The following CIC variants were observed in gnomAD, a reference collection of about 807,000 sequenced individuals.
CIC encodes the protein protein capicua homolog.
A neutral mutation model predicts 115.7 loss-of-function variants in CIC; 18 were observed. The observed-to-expected ratio is 0.16, with a 90% CI of 0.11 to 0.23. The LOEUF (loss-of-function observed/expected upper bound fraction) is 0.23. Ranked by LOEUF, CIC falls within the 10% of genes least tolerant of loss-of-function variation. CIC has a pLI of 1.00. For missense variants in CIC, 2,000 were observed against 2,159.3 expected (o/e 0.93, Z 1.46); for synonymous variants, 1,076 against 923.0 (o/e 1.17, Z -3.01).
At position 42,293,671 on chromosome 19, in the gene CIC, C is replaced by T. The variant is rs2038315689; in HGVS notation, c.6602C>T (p.Pro2201Leu). 6.2e-7 allele frequency: 1 copy of T among 1,612,686 alleles called. No homozygotes were observed. Among genetic ancestry groups the T allele is most frequent in the Admixed American group, 1.7e-5 (1 of 59,904 alleles). The change falls in exon 17 of 21, where the codon CCT (proline) becomes CTT (leucine). Residue 2201 changes from proline to leucine, a missense_variant. Pro to Leu is a moderately conservative substitution (Grantham distance 98). Coordinates refer to ENST00000681038, the MANE Select transcript of CIC (RefSeq NM_001386298.1). ...GLENRGEPPT[P>L]PSPAPAPAVA... Reference sequence around the variant, plus strand: ...GAGAATCGTGGGGAGCCTCCCACTCCTCCCAGCCCGGCCCCAGCTCCAGCT... The same window carrying T: ...GAGAATCGTGGGGAGCCTCCCACTCTTCCCAGCCCGGCCCCAGCTCCAGCT...
chr19:42,274,857 A>G (rs911660031), intron 2 of CIC, among the ~76,000 whole-genome samples: 1 of 152,204 alleles, frequency 6.6e-6, no homozygotes, highest in African/African-American at 2.4e-5. Flanking sequence ...TCAGGTCTCC[A>G]TGGAGCTGAT....
intron 1 of CIC, among the ~76,000 whole-genome samples, chr19:42,269,657 A>G (rs900036142): frequency 2.0e-5 from 3 of 150,914 alleles, no homozygotes; most frequent in African/African-American, 7.3e-5. Context: ...GGAGAGTGTG[A>G]CAAGGAGAGG....
chr19:42,288,063 G>C lies in CIC; in HGVS notation c.3658+88G>C, dbSNP rs866978911. ...CCTTGCTTGCTCCTCCCCTGCCCCA[G>C]CAGCTCCTCTCTGCTCTATCGCTTT... On this transcript the variant is annotated intron_variant, in intron 7 of 20. Transcript: ENST00000681038. 3.5e-6 allele frequency: 5 copies of C among 1,444,484 alleles called. No homozygotes were observed. In the Middle Eastern group the frequency reaches 1.1e-3, roughly 310 times the overall value. The allele number at this position is 1,444,484 out of a possible 1,614,324, so 89.5% of individuals were successfully genotyped here. A position where few individuals can be genotyped will look rare whatever the true frequency, so the allele number is the denominator to read the frequency against.
At chr19:42,277,622 C>T (rs2037035342) in intron 2 of CIC, among the ~76,000 whole-genome samples, 1 of 152,238 alleles carries the variant, frequency 6.6e-6, no homozygotes. Flanking sequence ...ATAATACCTA[C>T]TCTACTGAGC....
At position 42,290,267 on chromosome 19, in the gene CIC, G is replaced by C. The variant is rs149770710; in HGVS notation, c.4226G>C (p.Arg1409Pro). The change falls in exon 11 of 21, where the codon CGT becomes CCT. Residue 1409 changes from arginine to proline, a missense_variant. Arg to Pro is a moderately radical substitution (Grantham distance 103). Around this residue, in one of 8 missense-constraint regions of CIC, gnomAD observed 1,466 missense variants for 1,390.4 expected, o/e 1.05. Coordinates refer to ENST00000681038, the MANE Select transcript of CIC (RefSeq NM_001386298.1). ...FGRKVFSPVI[R>P]SSFTHCRPPL... Reference sequence around the variant, plus strand: ...CGGAAGGTGTTTTCACCTGTGATCCGTTCCTCCTTTACCCACTGCCGCCCC... The same window carrying C: ...CGGAAGGTGTTTTCACCTGTGATCCCTTCCTCCTTTACCCACTGCCGCCCC... 6.2e-7 allele frequency: 1 copy of C among 1,614,032 alleles called. No homozygotes were observed.
In CIC at chr19:42,295,479, G is replaced by A. The variant is rs994485539; in HGVS notation, c.*288G>A. The A allele has an allele frequency of 1.8e-5, 7 of 390,326 alleles. No individual in the cohort carries two copies. Among genetic ancestry groups the A allele is most frequent in the African/African-American group, 1.0e-4 (5 of 49,026 alleles). The allele number at this position is 390,326 out of a possible 1,614,324, so 24.2% of individuals were successfully genotyped here. A position where few individuals can be genotyped will look rare whatever the true frequency, so the allele number is the denominator to read the frequency against. The stretch of plus-strand genomic sequence containing the variant: ...ACTTTATGCAAAATGGCTCCTGTGA[G>A]GGCTGCAAGCTGGAGGGTGGTGCAG... On this transcript the variant is annotated 3_prime_UTR_variant, in exon 21 of 21. Coordinates refer to ENST00000681038, the MANE Select transcript of CIC (RefSeq NM_001386298.1).
chr19:42,277,329 A>G (rs969781157), intron 2 of CIC, among the ~76,000 whole-genome samples: 5 of 152,194 alleles, frequency 3.3e-5, no homozygotes, highest in Admixed American at 2.6e-4. Context: ...TCCTGGGTTC[A>G]AGCGATTCTC....
rs991409604 is a variant in CIC, at chr19:42,269,367, C to T, written c.-25C>T. 4.1e-5 allele frequency: 6 copies of T among 147,248 alleles called. No individual in the cohort carries two copies. The highest frequency in any genetic ancestry group is 4.0e-4 in the Admixed American group (6 of 14,890). The allele number at this position is 147,248 out of a possible 1,614,324, so 9.1% of individuals were successfully genotyped here. A position where few individuals can be genotyped will look rare whatever the true frequency, so the allele number is the denominator to read the frequency against. Reference sequence around the variant, plus strand: ...GGGCCACGGCCCCCCGCCCCGAAACCCCGCCGAGCCCAAGGTGAGGGGCGG... The same window carrying T: ...GGGCCACGGCCCCCCGCCCCGAAACTCCGCCGAGCCCAAGGTGAGGGGCGG... On this transcript the variant is annotated 5_prime_UTR_variant, in exon 1 of 21. Coordinates refer to ENST00000681038, the MANE Select transcript of CIC (RefSeq NM_001386298.1).
Position 42,291,690 on chromosome 19 carries a change from T to G in CIC, c.5558T>G (p.Leu1853Arg), listed in dbSNP as rs1212611864. 5.0e-6 allele frequency: 8 copies of G among 1,612,874 alleles called. No individual in the cohort carries two copies. Among genetic ancestry groups the G allele is most frequent in the Non-Finnish European group, 5.9e-6 (7 of 1,179,992 alleles). ...RGGGAGQPLP[L>R]VSPPFSVPVQ... Reference sequence around the variant, plus strand: ...GGAGGGGCCGGCCAGCCACTGCCACTGGTGAGCCCGCCCTTCTCAGTACCT... The same window carrying G: ...GGAGGGGCCGGCCAGCCACTGCCACGGGTGAGCCCGCCCTTCTCAGTACCT... The change falls in exon 12 of 21, where the codon CTG (leucine) becomes CGG (arginine). Residue 1853 changes from leucine (L) to arginine (R), a missense_variant. Leu to Arg is a moderately radical substitution (Grantham distance 102, BLOSUM62 -2). Coordinates refer to ENST00000681038, the MANE Select transcript of CIC (RefSeq NM_001386298.1).
At position 42,293,918 on chromosome 19, in the gene CIC, C is replaced by T. The variant is rs2038337118; in HGVS notation, c.6768-17C>T. 6.2e-7 allele frequency: 1 copy of T among 1,612,670 alleles called. No homozygotes were observed. Among genetic ancestry groups the T allele is most frequent in the East Asian group, 2.2e-5 (1 of 44,882 alleles). On this transcript the variant is annotated splice_polypyrimidine_tract_variant and intron_variant, in intron 17 of 20. Transcript: ENST00000681038. ...CTGCAGGCTGAGGCGGGGGAGGTGA[C>T]CCTGCCGGCCCTCCAGCAGGGTCCT...
In CIC at chr19:42,292,812, C is replaced by T. The variant is rs764316900; in HGVS notation, c.6149C>T (p.Pro2050Leu). The T allele has an allele frequency of 2.5e-6, 4 of 1,613,710 alleles. No individual in the cohort carries two copies. Among genetic ancestry groups the T allele is most frequent in the Non-Finnish European group, 2.5e-6 (3 of 1,179,994 alleles). The change falls in exon 15 of 21, where the codon CCT becomes CTT. Residue 2050 changes from proline to leucine, a missense_variant. By Grantham distance (98) the Pro-to-Leu change is moderately conservative. This residue lies in a region of CIC where 1,466 missense variants were observed against 1,390.4 expected (regional missense o/e 1.05). Coordinates refer to ENST00000681038, the MANE Select transcript of CIC (RefSeq NM_001386298.1). ...ATILPKGPPA[P>L]ATATPAPTSP... is the part of the protein sequence containing the mutation. ...ATTCTGCCCAAGGGCCCGCCAGCCC[C>T]TGCCACTGCCACCCCAGCCCCGACT...
At chr19:42,286,326 A>G (rs764230453) in intron 2 of CIC, among the ~76,000 whole-genome samples, 3 of 152,026 alleles carry the variant, frequency 2.0e-5, no homozygotes, top group Non-Finnish European at 4.4e-5. Flanking sequence ...GAAAGAGAGC[A>G]TGAGGCCAAG....
chr19:42,287,551 A>G lies in CIC; in HGVS notation c.3316A>G (p.Lys1106Glu). The G allele has an allele frequency of 6.2e-7, 1 of 1,613,292 alleles. No individual in the cohort carries two copies. The stretch of plus-strand genomic sequence containing the variant: ...TGGGCTGTGTTTAATGCAGCGGGAG[A>G]AGGACCACATCCGGCGGCCCATGAA... ...KDGRSPNKRE[K>E]DHIRRPMNAF... Residue 1106 changes from lysine to glutamate, a missense_variant, in exon 6 of 21, where the codon AAG becomes GAG. Lys to Glu is a moderately conservative substitution (Grantham distance 56, BLOSUM62 1). Transcript: ENST00000681038. The surrounding 1 kb of genome is among the most constrained non-coding windows in gnomAD (Gnocchi z 8.7).
chr19:42,279,618 G>A (rs1163086885), intron 2 of CIC, among the ~76,000 whole-genome samples: 1 of 152,232 alleles, frequency 6.6e-6, no homozygotes, highest in Non-Finnish European at 1.5e-5. Flanking sequence ...GCTGACACCA[G>A]AGTCCAGGCT....
At chr19:42,286,726 G>C (rs1375666469) in intron 2 of CIC, 45 bp from the exon 3 acceptor site, 1 of 1,612,904 alleles carries the variant, frequency 6.2e-7, no homozygotes, top group Non-Finnish European at 8.5e-7. Context: ...TTGGGGTTGG[G>C]GCCAGGCTCT....
rs1249212108 is a variant in CIC at position 42,293,829 on chromosome 19, G to A, written c.6760G>A (p.Val2254Met). The change falls in exon 17 of 21, where the codon GTG becomes ATG. Residue 2254 changes from valine to methionine, a missense_variant. Around this residue, in one of 8 missense-constraint regions of CIC, gnomAD observed 99 missense variants for 217.6 expected, o/e 0.45. Coordinates refer to ENST00000681038, the MANE Select transcript of CIC (RefSeq NM_001386298.1). ...PPPLKKTFDS[V>M]DNRVLSEVDF... Reference sequence around the variant, plus strand: ...GCCCCTGAAGAAGACCTTTGACTCTGTGGACAAGTGAGCATGGGCTGGGGC... The same window carrying A: ...GCCCCTGAAGAAGACCTTTGACTCTATGGACAAGTGAGCATGGGCTGGGGC... 1 of 1,612,724 alleles carries A rather than the reference G, an allele frequency of 6.2e-7. No homozygotes were observed. Among genetic ancestry groups the A allele is most frequent in the Non-Finnish European group, 8.5e-7 (1 of 1,179,560 alleles).
intron 2 of CIC, among the ~76,000 whole-genome samples, chr19:42,282,197 A>G (rs1239292921): frequency 6.6e-6 from 1 of 152,212 alleles, no homozygotes; most frequent in Non-Finnish European, 1.5e-5. Flanking sequence ...CTCACAGCCA[A>G]GTGTCTGGCC....
chr19:42,279,371 G>C (rs560013013), intron 2 of CIC, among the ~76,000 whole-genome samples: 1 of 152,370 alleles, frequency 6.6e-6, no homozygotes, highest in East Asian at 1.9e-4. Flanking sequence ...TGAGCCCAGG[G>C]AGGTACTGAG....
upstream of CIC, among the ~76,000 whole-genome samples, chr19:42,268,923 T>A (rs951812592): frequency 6.6e-6 from 1 of 152,204 alleles, no homozygotes; most frequent in Non-Finnish European, 1.5e-5. Context: ...CTAGGCTGCA[T>A]GGCGACTGGG....
Sources: allele counts gnomAD v4.1 joint callset (sites outside exome capture counted in the v4.1 genomes callset), GRCh38; gene constraint gnomAD v4.1.1; regional missense constraint gnomAD v4.1.1; non-coding constraint Gnocchi (gnomAD v3.1); transcripts MANE v1.5; gene names NCBI Gene and HGNC (gene_info 2026-07-23, HGNC 2026-07-21).